Variants in B3GLCT observed in about 807,000 individuals in gnomAD.
B3GLCT encodes beta 3-glucosyltransferase, also known as beta-1,3-glucosyltransferase.
B3GLCT carries 65 observed loss-of-function variants against 63.4 expected under a neutral mutation model. The ratio of observed to expected loss-of-function variants is 1.03; its 90% CI spans 0.84 to 1.26. The LOEUF is 1.26. B3GLCT is among the 50% of genes most tolerant of loss of function. The pLI, the probability that B3GLCT is intolerant of heterozygous loss-of-function variation, is 0.00. For synonymous variants in B3GLCT, 233 were observed against 219.2 expected (o/e 1.06, Z -0.55); for missense variants, 577 against 604.8 (o/e 0.95, Z 0.48).
In B3GLCT at chr13:31,229,425, A is replaced by G. The variant is rs144165342; in HGVS notation, c.270+131A>G. The G allele has an allele frequency of 2.1e-5, 15 of 715,484 alleles. No individual in the cohort carries two copies. In the Middle Eastern group the frequency reaches 7.2e-4, roughly 34 times the overall value. The allele number at this position is 715,484 out of a possible 1,614,324, so 44.3% of individuals were successfully genotyped here. ...ATAACTCCTCTGACTCATTTTGCTTATTTAATATTGAGTATTTGTTGTTGA... is the reference window on the plus strand; with the variant it reads ...ATAACTCCTCTGACTCATTTTGCTTGTTTAATATTGAGTATTTGTTGTTGA... On this transcript the variant is annotated intron_variant, in intron 4 of 14. Coordinates refer to ENST00000343307, the MANE Select transcript of B3GLCT (RefSeq NM_194318.4).
chr13:31,279,479 A>T (rs1215727644), intron 10 of B3GLCT, among the ~76,000 whole-genome samples: 2 of 152,112 alleles, frequency 1.3e-5, no homozygotes, highest in African/African-American at 4.8e-5. Flanking sequence ...AGGTTCTGTG[A>T]TGCCCCCTGA....
intron 2 of B3GLCT, among the ~76,000 whole-genome samples, chr13:31,218,145 T>C (rs956055843): frequency 6.6e-6 from 1 of 151,872 alleles, no homozygotes; most frequent in African/African-American, 2.4e-5. Flanking sequence ...TTTACTTCCC[T>C]GGTTAGCTGT....
At chr13:31,258,154 T>C (rs1871835041) in intron 6 of B3GLCT, among the ~76,000 whole-genome samples, 1 of 152,218 alleles carries the variant, frequency 6.6e-6, no homozygotes, top group Non-Finnish European at 1.5e-5. Context: ...GAGTCAGCCA[T>C]GTACTCTCTT....
intron 1 of B3GLCT, among the ~76,000 whole-genome samples, 195 bp downstream of exon 1, chr13:31,200,349 G>T (rs974960942): frequency 6.7e-6 from 1 of 148,934 alleles, no homozygotes; most frequent in Non-Finnish European, 1.5e-5. Context: ...GTGGGACCCG[G>T]GCCCGGGACC....
rs554008667 is a variant in B3GLCT, at chr13:31,297,736, C to T, written c.1064+10917C>T. 2.6e-5 allele frequency among the ~76,000 whole-genome samples: 4 copies of T among 152,322 alleles called. No individual in the cohort carries two copies. In the East Asian group the frequency reaches 7.7e-4, roughly 29 times the overall value. On this transcript the variant is annotated intron_variant, in intron 12 of 14. Transcript: ENST00000343307. ...AGTCATTAAGTCCAGGCGTCCAGAA[C>T]TTCTGACTGATGAGCTTCACGTCGG...
intron 3 of B3GLCT, 44 bp from the exon 4 acceptor site, chr13:31,229,141 T>C: frequency 7.9e-7 from 1 of 1,269,932 alleles, no homozygotes; most frequent in South Asian, 1.3e-5. Flanking sequence ...ATTTTAATAA[T>C]TTTGTAAAAA....
In B3GLCT at chr13:31,229,292, C is replaced by T. The variant is rs1165860520; in HGVS notation, c.268C>T (p.Gln90Ter). ...CTTAAAGCAGGCTGCAGATCTTACA[C>T]AGGTACGTAGCGATGGCTGGGGGGT... is the stretch of plus-strand genomic sequence containing the variant. ...SILKQAADLT[Q>*]ELPSVLLLHQ... is the part of the protein sequence containing the mutation. Residue 90 changes from glutamine to a stop codon, truncating the protein, a stop_gained and splice_region_variant, in exon 4 of 15, where the codon CAG becomes TAG. Coordinates refer to ENST00000343307, the MANE Select transcript of B3GLCT (RefSeq NM_194318.4). LOFTEE classifies it high-confidence loss of function. 6.3e-7 allele frequency: 1 copy of T among 1,583,806 alleles called. No individual in the cohort carries two copies. Among genetic ancestry groups the T allele is most frequent in the Non-Finnish European group, 8.7e-7 (1 of 1,152,432 alleles).
intron 1 of B3GLCT, among the ~76,000 whole-genome samples, chr13:31,208,626 C>CCT (rs540913569): frequency 3.0e-5 from 3 of 101,052 alleles, no homozygotes; most frequent in African/African-American, 1.9e-4. Flanking sequence ...GTGGCCCCCC[C>CCT]CCCCCGCTCA....
intron 9 of B3GLCT, among the ~76,000 whole-genome samples, chr13:31,275,330 A>G (rs560805901): frequency 1.3e-5 from 2 of 152,370 alleles, no homozygotes; most frequent in African/African-American, 4.8e-5. Context: ...CTACACAGCT[A>G]GTAGGGAGGG....
intron 6 of B3GLCT, among the ~76,000 whole-genome samples, chr13:31,251,216 G>A (rs999922702): frequency 2.6e-5 from 4 of 152,162 alleles, no homozygotes; most frequent in Admixed American, 6.5e-5. Context: ...GAAGGTCACC[G>A]ACTTCAAAGA....
At chr13:31,203,504 T>C (rs1173975815) in intron 1 of B3GLCT, among the ~76,000 whole-genome samples, 1 of 152,186 alleles carries the variant, frequency 6.6e-6, no homozygotes, top group Admixed American at 6.5e-5. Flanking sequence ...GGGACAAACA[T>C]TGTGGGCTCG....
At chr13:31,314,007 A>G (rs1303258483) in intron 12 of B3GLCT, among the ~76,000 whole-genome samples, 1 of 152,228 alleles carries the variant, frequency 6.6e-6, no homozygotes, top group Non-Finnish European at 1.5e-5. Context: ...GGAAGCCCCA[A>G]GCCTTGGCAG....
At chr13:31,300,587 C>A (rs879037779) in intron 12 of B3GLCT, among the ~76,000 whole-genome samples, 1 of 151,996 alleles carries the variant, frequency 6.6e-6, no homozygotes, top group Admixed American at 6.6e-5. Context: ...GAATGAAGTC[C>A]TAGGGATGTG....
chr13:31,244,359 G>T (rs1307903917), intron 4 of B3GLCT, among the ~76,000 whole-genome samples: 1 of 152,100 alleles, frequency 6.6e-6, no homozygotes, highest in East Asian at 1.9e-4. Context: ...AGGCGTGGTG[G>T]TGCACCCCTG....
At chr13:31,233,910 C>A (rs960465333) in intron 4 of B3GLCT, among the ~76,000 whole-genome samples, 14 of 151,930 alleles carry the variant, frequency 9.2e-5, no homozygotes, top group Non-Finnish European at 1.6e-4. Context: ...ATACTACGGG[C>A]AAAGTACTGG....
At chr13:31,239,819 C>T (rs1268062754) in intron 4 of B3GLCT, among the ~76,000 whole-genome samples, 1 of 151,822 alleles carries the variant, frequency 6.6e-6, no homozygotes, top group Admixed American at 6.6e-5. Context: ...AGGAACTTTA[C>T]GTAAGATTAA....
chr13:31,243,722 A>G (rs560223998), intron 4 of B3GLCT, among the ~76,000 whole-genome samples: 11 of 152,342 alleles, frequency 7.2e-5, no homozygotes, highest in Admixed American at 7.2e-4. Context: ...TGCTTTAAAT[A>G]TGAATTCATG....
intron 4 of B3GLCT, among the ~76,000 whole-genome samples, chr13:31,241,759 G>A (rs1238596249): frequency 6.6e-6 from 1 of 152,214 alleles, no homozygotes; most frequent in Non-Finnish European, 1.5e-5. Flanking sequence ...CTTGAGGACT[G>A]TCACTGAAGG....
intron 13 of B3GLCT, among the ~76,000 whole-genome samples, chr13:31,318,967 C>T (rs901130082): frequency 6.6e-6 from 1 of 152,156 alleles, no homozygotes; most frequent in African/African-American, 2.4e-5. Flanking sequence ...GACTGGCACT[C>T]AAGGCCTTCT....
Sources: allele counts gnomAD v4.1 joint callset (sites outside exome capture counted in the v4.1 genomes callset), GRCh38; gene constraint gnomAD v4.1.1; transcripts MANE v1.5; gene names NCBI Gene and HGNC (gene_info 2026-07-23, HGNC 2026-07-21).